The following SAFB variants were observed in gnomAD, a reference collection of about 807,000 sequenced individuals.
The protein encoded by SAFB is scaffold attachment factor B1.
A neutral mutation model predicts 101.6 loss-of-function variants in SAFB; 15 were observed. The observed-to-expected ratio is 0.15, with a 90% CI of 0.10 to 0.23. The LOEUF is 0.23. Among genes scored for constraint, SAFB ranks in the 10% least tolerant of loss-of-function variants. The pLI is 1.00. For missense variants in SAFB, 930 were observed against 1,104.1 expected (o/e 0.84, Z 2.23); for synonymous variants, 449 against 407.5 (o/e 1.10, Z -1.23).
chr19:5,637,343 C>CAAAA (rs553264134), intron 2 of SAFB, among the ~76,000 whole-genome samples: 2 of 67,262 alleles, frequency 3.0e-5, no homozygotes, highest in South Asian at 4.8e-4. Context: ...GACTCCATCT[C>CAAAA]AAAAAAAAAA....
At chr19:5,637,409 T>G (rs1203121863) in intron 2 of SAFB, among the ~76,000 whole-genome samples, 1 of 150,972 alleles carries the variant, frequency 6.6e-6, no homozygotes, top group East Asian at 2.0e-4. Context: ...ATCCCAGCAC[T>G]TTGAGAGGCC....
Position 5,656,527 on chromosome 19 carries a change from C to T in SAFB, c.1756-714C>T, listed in dbSNP as rs186873888. 3.6e-4 allele frequency among the ~76,000 whole-genome samples: 55 copies of T among 151,404 alleles called. 2 individuals carry two copies. In the East Asian group the frequency reaches 9.9e-3, roughly 27 times the overall value. On this transcript the variant is annotated intron_variant, in intron 13 of 20. Transcript: ENST00000588852. ...CTGACTTCAAGTGATCCACCCGTCCCGGCCTCCCAAAGTGGTAGGATTATA... is the reference window on the plus strand; with the variant it reads ...CTGACTTCAAGTGATCCACCCGTCCTGGCCTCCCAAAGTGGTAGGATTATA...
chr19:5,657,311 A>G lies in SAFB; in HGVS notation c.1826A>G (p.Lys609Arg). The G allele has an allele frequency of 1.2e-6, 2 of 1,613,908 alleles. No homozygotes were observed. Among genetic ancestry groups the G allele is most frequent in the Non-Finnish European group, 1.7e-6 (2 of 1,179,848 alleles). Residue 609 changes from lysine (K) to arginine (R), a missense_variant, in exon 14 of 21, where the codon AAG (lysine) becomes AGG (arginine). Lys to Arg is a conservative substitution (Grantham distance 26). Around this residue, in one of 7 missense-constraint regions of SAFB, gnomAD observed 159 missense variants for 234.1 expected, o/e 0.68. Coordinates refer to ENST00000588852, the MANE Select transcript of SAFB (RefSeq NM_001201338.2). The part of the protein sequence containing the change: ...KRSVVSFDKV[K>R]EPRKSRDSES... ...TCCGTCGTGTCCTTTGATAAGGTCAAGGAGCCTCGGAAGTCAAGAGACTCA... is the reference window on the plus strand; with the variant it reads ...TCCGTCGTGTCCTTTGATAAGGTCAGGGAGCCTCGGAAGTCAAGAGACTCA...
At chr19:5,659,192 A>G (rs1408534890) in intron 14 of SAFB, among the ~76,000 whole-genome samples, 1 of 150,660 alleles carries the variant, frequency 6.6e-6, no homozygotes, top group Non-Finnish European at 1.5e-5. Context: ...GTAATCCCAT[A>G]TACTTGGGAG....
Position 5,667,453 on chromosome 19 carries a change from G to A in SAFB, c.2557+3G>A. ...CAGGGATCACAAGAGGTGGCAAGGT[G>A]AGGAGCAGCTCTGGGCTGGGACCAG... On this transcript the variant is annotated splice_donor_region_variant and intron_variant, in intron 19 of 20. Transcript: ENST00000588852. This position sits in a 1 kb window ranked among gnomAD's most constrained non-coding sequence, Gnocchi z 4.0. 1 of 1,513,064 alleles carries A rather than the reference G, an allele frequency of 6.6e-7. No homozygotes were observed. The highest frequency in any genetic ancestry group is 1.7e-4 in the Middle Eastern group (1 of 5,770). The allele number at this position is 1,513,064 out of a possible 1,614,324, so 93.7% of individuals were successfully genotyped here.
Position 5,667,943 on chromosome 19 carries a change from G to A in SAFB, c.2624+57G>A, listed in dbSNP as rs1022777953. On this transcript the variant is annotated intron_variant, in intron 20 of 20. Coordinates refer to ENST00000588852, the MANE Select transcript of SAFB (RefSeq NM_001201338.2). The surrounding 1 kb of genome is among the most constrained non-coding windows in gnomAD (Gnocchi z 4.0). ...CCTGCTTTGCATATTGGCCTACCTT[G>A]CTGGAGGCTTAACAACCAAGTCCTT... The A allele has an allele frequency of 6.6e-7, 1 of 1,519,864 alleles. No homozygotes were observed. Among genetic ancestry groups the A allele is most frequent in the African/African-American group, 1.4e-5 (1 of 72,314 alleles). 94.1% of individuals were successfully genotyped at this position (1,519,864 alleles called of 1,614,324 possible).
chr19:5,623,191 G>A lies in SAFB; in HGVS notation c.-15G>A. The A allele has an allele frequency of 6.4e-7, 1 of 1,568,196 alleles. No homozygotes were observed. The highest frequency in any genetic ancestry group is 8.6e-7 in the Non-Finnish European group (1 of 1,157,552). On this transcript the variant is annotated 5_prime_UTR_variant, in exon 1 of 21. Coordinates refer to ENST00000588852, the MANE Select transcript of SAFB (RefSeq NM_001201338.2). The stretch of plus-strand genomic sequence containing the variant: ...GGTTCTGTGGAAAGTGGGCGGCGGA[G>A]CCAGGGTCCCTGGAATGGCGGAGAC...
intron 14 of SAFB, among the ~76,000 whole-genome samples, chr19:5,660,377 G>A (rs528664443): frequency 8.6e-6 from 1 of 116,612 alleles, no homozygotes; most frequent in East Asian, 3.2e-4. Context: ...TTTGGAGACA[G>A]GGTCTCACTC....
Position 5,667,322 on chromosome 19 carries a change from A to G in SAFB, c.2454-25A>G. On this transcript the variant is annotated intron_variant, in intron 18 of 20. Transcript: ENST00000588852. This position sits in a 1 kb window ranked among gnomAD's most constrained non-coding sequence, Gnocchi z 4.0. ...CAAGAGCCAGAGATGGGGGCAATCC[A>G]AATCAGAGATGTCTCTCTTTCAAGG... The G allele has an allele frequency of 2.7e-6, 4 of 1,455,256 alleles. No individual in the cohort carries two copies. The highest frequency in any genetic ancestry group is 3.7e-6 in the Non-Finnish European group (4 of 1,094,440). 90.1% of individuals were successfully genotyped at this position (1,455,256 alleles called of 1,614,324 possible). A position where few individuals can be genotyped will look rare whatever the true frequency, so the allele number is the denominator to read the frequency against.
In SAFB at chr19:5,661,710, G is replaced by A. The variant is rs370600778; in HGVS notation, c.2055G>A (p.Glu685=). The A allele has an allele frequency of 3.1e-6, 5 of 1,603,240 alleles. No homozygotes were observed. The highest frequency in any genetic ancestry group is 3.4e-6 in the Non-Finnish European group (4 of 1,176,614). The change falls in exon 15 of 21, where the codon GAG becomes GAA. Residue 685 remains glutamate, a synonymous_variant. Coordinates refer to ENST00000588852, the MANE Select transcript of SAFB (RefSeq NM_001201338.2). Reference sequence around the variant, plus strand: ...AGCACGAGCGCAGGCGCGAGCAGGAGCGCATCCACCGTGAGCGCGAGGAGC... The same window carrying A: ...AGCACGAGCGCAGGCGCGAGCAGGAACGCATCCACCGTGAGCGCGAGGAGC... ...HVEHERRREQ[E]RIHREREELR... is the part of the protein sequence containing the mutation.
chr19:5,650,946 T>C, intron 8 of SAFB, 32 bp from the exon 9 acceptor site: 1 of 1,327,702 alleles, frequency 7.5e-7, no homozygotes, highest in Non-Finnish European at 1.1e-6. Context: ...TGTGGGTATT[T>C]GGGTTTTTAC....
chr19:5,641,895 G>T lies in SAFB; in HGVS notation c.495G>T (p.Glu165Asp), dbSNP rs773072911. The T allele has an allele frequency of 1.9e-6, 3 of 1,614,204 alleles. No homozygotes were observed. In the East Asian group the frequency reaches 6.7e-5, roughly 36 times the overall value. Residue 165 changes from glutamate (E) to aspartate (D), a missense_variant, in exon 4 of 21, where the codon GAG becomes GAT. Glu to Asp is a conservative substitution (Grantham distance 45). Around this residue, in one of 7 missense-constraint regions of SAFB, gnomAD observed 130 missense variants for 114.2 expected, o/e 1.14. Coordinates refer to ENST00000588852, the MANE Select transcript of SAFB (RefSeq NM_001201338.2). The stretch of plus-strand genomic sequence containing the variant: ...AGGAGTCCCTGTCGGATAGTAGAGA[G>T]CTAGTCGAGGGGGAAATGAAAGAGC... ...NLQESLSDSR[E>D]LVEGEMKELP...
chr19:5,623,986 C>T (rs1479253096), intron 1 of SAFB: 1 of 152,338 alleles, frequency 6.6e-6, no homozygotes, highest in Non-Finnish European at 1.5e-5. Flanking sequence ...GGTACTCGCT[C>T]GGTGAAGTAA....
intron 5 of SAFB, among the ~76,000 whole-genome samples, chr19:5,645,835 G>A (rs558305084): frequency 3.3e-5 from 5 of 152,296 alleles, no homozygotes; most frequent in Admixed American, 3.3e-4. Flanking sequence ...GGAAGGTGGG[G>A]TCTCAGGGGT....
In SAFB at chr19:5,667,493, T is replaced by G. The variant is rs1599394914; in HGVS notation, c.2557+43T>G. On this transcript the variant is annotated intron_variant, in intron 19 of 20. Transcript: ENST00000588852. This position sits in a 1 kb window ranked among gnomAD's most constrained non-coding sequence, Gnocchi z 4.0. Reference sequence around the variant, plus strand: ...GCTGGGACCAGGATGTGCTGGGGAGTGATGGAAAGATGGAGGCCGCGCCTT... The same window carrying G: ...GCTGGGACCAGGATGTGCTGGGGAGGGATGGAAAGATGGAGGCCGCGCCTT... The G allele has an allele frequency of 7.3e-7, 1 of 1,370,344 alleles. No individual in the cohort carries two copies. Among genetic ancestry groups the G allele is most frequent in the South Asian group, 1.3e-5 (1 of 74,610 alleles). The allele number at this position is 1,370,344 out of a possible 1,614,324, so 84.9% of individuals were successfully genotyped here. A position where few individuals can be genotyped will look rare whatever the true frequency, so the allele number is the denominator to read the frequency against.
At chr19:5,664,312 T>G (rs906440277) in intron 16 of SAFB, 85 bp from the exon 17 acceptor site, 1 of 1,451,906 alleles carries the variant, frequency 6.9e-7, no homozygotes, top group East Asian at 2.3e-5. Context: ...AGGGAAATTA[T>G]GCTTTTCATT....
intron 5 of SAFB, among the ~76,000 whole-genome samples, chr19:5,646,908 C>G (rs1263887953): frequency 6.6e-6 from 1 of 152,202 alleles, no homozygotes; most frequent in Non-Finnish European, 1.5e-5. Flanking sequence ...GTCTCTGCTT[C>G]CCACCTGCTG....
chr19:5,642,336 G>A (rs1204592254), intron 4 of SAFB, among the ~76,000 whole-genome samples: 1 of 152,068 alleles, frequency 6.6e-6, no homozygotes, highest in Non-Finnish European at 1.5e-5. Context: ...CATGTAATCC[G>A]GTAACTCAGA....
At chr19:5,662,621 G>T (rs2054239175) in intron 15 of SAFB, among the ~76,000 whole-genome samples, 3 of 151,376 alleles carry the variant, frequency 2.0e-5, no homozygotes, top group African/African-American at 7.3e-5. Flanking sequence ...GTGCCCTACT[G>T]CACCTCCTTT....
Sources: allele counts gnomAD v4.1 joint callset (sites outside exome capture counted in the v4.1 genomes callset), GRCh38; gene constraint gnomAD v4.1.1; regional missense constraint gnomAD v4.1.1; non-coding constraint Gnocchi (gnomAD v3.1); transcripts MANE v1.5; gene names NCBI Gene and HGNC (gene_info 2026-07-23, HGNC 2026-07-21).